The following GPM6A variants were observed in gnomAD, a reference collection of about 807,000 sequenced individuals.
GPM6A encodes the protein neuronal membrane glycoprotein M6-a.
A neutral mutation model predicts 32.1 loss-of-function variants in GPM6A; 7 were observed. That is an observed-to-expected ratio of 0.22 (90% confidence interval 0.12 to 0.41). GPM6A has a LOEUF of 0.41. GPM6A is among the 10% of genes least tolerant of loss of function. The pLI is 1.00. For synonymous variants in GPM6A, 130 were observed against 123.4 expected (o/e 1.05, Z -0.35); for missense variants, 235 against 347.2 (o/e 0.68, Z 2.57).
chr4:175,787,694 G>T, intron 1 of GPM6A: 1 of 844,032 alleles, frequency 1.2e-6, no homozygotes, highest in Non-Finnish European at 1.5e-6. Context: ...AATTTTCTTT[G>T]AAAAATCTGT....
chr4:175,959,564 G>A (rs1740101138), intron 1 of GPM6A, among the ~76,000 whole-genome samples: 2 of 152,156 alleles, frequency 1.3e-5, no homozygotes, highest in Non-Finnish European at 1.5e-5. Context: ...GGAGAACTGG[G>A]ATGTGGGGAT....
At position 175,835,629 on chromosome 4, in the gene GPM6A, A is replaced by G. The variant is rs113546584; in HGVS notation, c.-22-23380T>C. Among the ~76,000 whole-genome samples the G allele has an allele frequency of 3.4e-3, 343 of 100,626 alleles. 6 individuals carry two copies. The East Asian group carries it at 0.036, about 11-fold the overall frequency. The allele number at this position is 100,626 out of a possible 152,430, so 66.0% of individuals were successfully genotyped here. ...AGTATATGTGTGTGTGAGTGTGTGT[A>G]TATATATATATATATATATATGCTT... On this transcript the variant is annotated intron_variant, in intron 1 of 7. Coordinates refer to the GPM6A transcript ENST00000280187.
intron 3 of GPM6A, among the ~76,000 whole-genome samples, chr4:175,672,019 A>G (rs1321733003): frequency 6.7e-6 from 1 of 150,358 alleles, no homozygotes; most frequent in East Asian, 1.9e-4. Flanking sequence ...AACGTGGCTC[A>G]TGTTTTGCTT....
chr4:175,892,910 A>G (rs1022607093), intron 1 of GPM6A, among the ~76,000 whole-genome samples: 1 of 152,170 alleles, frequency 6.6e-6, no homozygotes, highest in African/African-American at 2.4e-5. Context: ...GGTGCTTGGC[A>G]TTTCATCATG....
chr4:175,637,737 T>C (rs1405049226), intron 6 of GPM6A, among the ~76,000 whole-genome samples: 2 of 45,950 alleles, frequency 4.4e-5, no homozygotes, highest in Admixed American at 6.7e-4. Flanking sequence ...TATTATATAT[T>C]ATATAAAAAT....
At chr4:175,660,407 C>A (rs1742341999) in intron 3 of GPM6A, among the ~76,000 whole-genome samples, 2 of 151,420 alleles carry the variant, frequency 1.3e-5, no homozygotes, top group African/African-American at 4.8e-5. Flanking sequence ...AGTATATGGA[C>A]ATAAAAGTTG....
chr4:175,671,177 T>G (rs948119400), intron 3 of GPM6A, among the ~76,000 whole-genome samples: 13 of 152,064 alleles, frequency 8.5e-5, no homozygotes, highest in Admixed American at 3.3e-4. Context: ...GCTTCAAAAT[T>G]AATTGCATTT....
At chr4:175,763,611 T>C (rs1450566233) in intron 1 of GPM6A, among the ~76,000 whole-genome samples, 5 of 152,138 alleles carry the variant, frequency 3.3e-5, no homozygotes, top group African/African-American at 1.2e-4. Flanking sequence ...TGATAAAGAA[T>C]AACCCCAGAT....
rs1433374418 is a variant in GPM6A at position 175,964,134 on chromosome 4, G to A, written c.-23+38175C>T. 6.0e-5 allele frequency among the ~76,000 whole-genome samples: 9 copies of A among 151,140 alleles called. No homozygotes were observed. The East Asian group carries it at 1.6e-3, about 26-fold the overall frequency. On this transcript the variant is annotated intron_variant, in intron 1 of 7. Transcript: ENST00000280187. ...GAGAGAGAAAGAAACAAAGAGCAGG[G>A]GCAACAAGTAGAAAACAATAGCACA...
At chr4:175,722,757 T>C (rs76325956) in intron 1 of GPM6A, among the ~76,000 whole-genome samples, 8,555 of 152,166 alleles carry the variant, frequency 0.056, 376 homozygotes, top group African/African-American at 0.11. Context: ...AAAAATTCTT[T>C]CTTTGACCAG....
intron 1 of GPM6A, among the ~76,000 whole-genome samples, chr4:175,909,772 CAG>C (rs1310179597): frequency 1.3e-5 from 2 of 152,032 alleles, no homozygotes; most frequent in Non-Finnish European, 2.9e-5. Flanking sequence ...ATAGGGCAAA[CAG>C]AGAGAGATAA....
chr4:175,648,358 C>T (rs950586629), intron 4 of GPM6A, among the ~76,000 whole-genome samples: 10 of 151,976 alleles, frequency 6.6e-5, no homozygotes, highest in Non-Finnish European at 1.5e-4. Flanking sequence ...TGGAGTAAGC[C>T]GTGAAGGGGA....
chr4:175,990,694 T>C (rs1054401098), intron 1 of GPM6A, among the ~76,000 whole-genome samples: 2 of 150,986 alleles, frequency 1.3e-5, no homozygotes, highest in Admixed American at 1.3e-4. Flanking sequence ...CAAACAAAAA[T>C]TCTCCCACAA....
chr4:175,778,627 C>CAAAAAAA (rs34286041), intron 1 of GPM6A, among the ~76,000 whole-genome samples: 93 of 75,224 alleles, frequency 1.2e-3, no homozygotes, highest in Non-Finnish European at 1.4e-3. Context: ...CTGTATCCAA[C>CAAAAAAA]AAAAAAAAAA....
intron 1 of GPM6A, among the ~76,000 whole-genome samples, chr4:175,708,810 C>A (rs573000728): frequency 1.3e-3 from 199 of 152,230 alleles, no homozygotes; most frequent in Non-Finnish European, 2.6e-3. Context: ...TCTTTGACAA[C>A]AAATTTTTGC....
At chr4:175,828,980 G>A (rs1163838388) in intron 1 of GPM6A, among the ~76,000 whole-genome samples, 4 of 152,178 alleles carry the variant, frequency 2.6e-5, no homozygotes, top group Non-Finnish European at 5.9e-5. Context: ...CTGGAGTGCA[G>A]TGGCACCGTC....
chr4:175,962,882 ATT>A (rs1417922038), intron 1 of GPM6A, among the ~76,000 whole-genome samples: 1 of 152,216 alleles, frequency 6.6e-6, no homozygotes. Context: ...CAGATTATGA[ATT>A]TAAAACAACT....
intron 1 of GPM6A, among the ~76,000 whole-genome samples, chr4:175,863,915 C>A (rs1736649832): frequency 6.6e-6 from 1 of 152,056 alleles, no homozygotes; most frequent in South Asian, 2.1e-4. Context: ...GCGGGAGGAT[C>A]CCTTGAGTCC....
At position 175,946,698 on chromosome 4, in the gene GPM6A, G is replaced by A. The variant is rs74733808; in HGVS notation, c.-23+55611C>T. ...TAAAGATGGCAGCAGCCCAAGCACT[G>A]TGGGCAAGGGCAGGGCAGGACGATG... is the stretch of plus-strand genomic sequence containing the variant. On this transcript the variant is annotated intron_variant, in intron 1 of 7. Coordinates refer to the GPM6A transcript ENST00000280187. Among the ~76,000 whole-genome samples the A allele has an allele frequency of 2.1e-3, 313 of 152,278 alleles. 1 individual carries two copies. Among genetic ancestry groups the A allele is most frequent in the African/African-American group, 6.9e-3 (287 of 41,558 alleles).
Sources: allele counts gnomAD v4.1 joint callset (sites outside exome capture counted in the v4.1 genomes callset), GRCh38; gene constraint gnomAD v4.1.1; transcripts MANE v1.5; gene names NCBI Gene and HGNC (gene_info 2026-07-23, HGNC 2026-07-21).